LINGO1: variants seen among roughly 807,000 people sequenced by gnomAD.
LINGO1 encodes leucine rich repeat and Ig domain containing 1.
LINGO1 carries 11 observed loss-of-function variants against 37.3 expected under a neutral mutation model. The observed-to-expected ratio is 0.29, with a 90% CI of 0.19 to 0.49. The LOEUF is 0.49. Among genes scored for constraint, LINGO1 ranks in the 20% least tolerant of loss-of-function variants. The probability of loss-of-function intolerance (pLI) is 0.99; values close to 1 mark genes in which losing one functional copy is unlikely to be tolerated. For synonymous variants in LINGO1, 387 were observed against 403.0 expected (o/e 0.96, Z 0.48); for missense variants, 585 against 878.2 (o/e 0.67, Z 4.22).
At chr15:77,748,900 C>T (rs1596186375) in intron 1 of LINGO1, among the ~76,000 whole-genome samples, 1 of 124,184 alleles carries the variant, frequency 8.1e-6, no homozygotes, top group African/African-American at 3.0e-5. Context: ...ATTTTCCTTC[C>T]TTCCTTCTCT....
intron 1 of LINGO1, among the ~76,000 whole-genome samples, chr15:77,617,384 T>C (rs923640546): frequency 2.6e-5 from 4 of 152,152 alleles, no homozygotes; most frequent in African/African-American, 9.7e-5. Flanking sequence ...GTGGATCAGA[T>C]GGCCTCTGGG....
chr15:77,769,883 A>G (rs557331617), intron 1 of LINGO1, among the ~76,000 whole-genome samples: 53 of 152,312 alleles, frequency 3.5e-4, no homozygotes, highest in Non-Finnish European at 6.0e-4. Flanking sequence ...AGCCTGTGCA[A>G]TTCTGAGACC....
At chr15:77,646,132 G>A (rs994873842) in intron 3 of LINGO1, among the ~76,000 whole-genome samples, 6 of 152,202 alleles carry the variant, frequency 3.9e-5, no homozygotes, top group Non-Finnish European at 8.8e-5. Flanking sequence ...GCTGCCAAGG[G>A]GCAAATACAT....
At chr15:77,633,892 T>C (rs1185949971), upstream of LINGO1, among the ~76,000 whole-genome samples, 1 of 152,138 alleles carries the variant, frequency 6.6e-6, no homozygotes, top group Non-Finnish European at 1.5e-5. Flanking sequence ...CTCACCTTTT[T>C]CCCTATACTA....
At chr15:77,748,464 C>G (rs1488914944) in intron 1 of LINGO1, among the ~76,000 whole-genome samples, 1 of 68,738 alleles carries the variant, frequency 1.5e-5, no homozygotes, top group African/African-American at 3.4e-5. Flanking sequence ...AGCACAGAGC[C>G]TGGCTCAGGG....
At chr15:77,804,974 T>C (rs2076948251) in intron 1 of LINGO1, among the ~76,000 whole-genome samples, 1 of 152,172 alleles carries the variant, frequency 6.6e-6, no homozygotes. Flanking sequence ...ATGGTCTCAG[T>C]GCCCACCCCC....
intron 3 of LINGO1, among the ~76,000 whole-genome samples, chr15:77,646,729 G>C (rs886440056): frequency 6.6e-6 from 1 of 152,240 alleles, no homozygotes; most frequent in African/African-American, 2.4e-5. Flanking sequence ...GGAAGGGATG[G>C]AGCTTTGATA....
chr15:77,799,515 T>C (rs1429258939), intron 1 of LINGO1, among the ~76,000 whole-genome samples: 2 of 152,202 alleles, frequency 1.3e-5, no homozygotes, highest in Non-Finnish European at 2.9e-5. Flanking sequence ...AATGACGGAC[T>C]GTGAGGAAAG....
intron 2 of LINGO1, among the ~76,000 whole-genome samples, chr15:77,724,315 G>A (rs926275020): frequency 5.3e-5 from 8 of 152,244 alleles, no homozygotes; most frequent in African/African-American, 1.9e-4. Context: ...CCTTAGGGGT[G>A]TGAATTGGGC....
intron 2 of LINGO1, among the ~76,000 whole-genome samples, chr15:77,720,223 G>A (rs1490284651): frequency 7.4e-6 from 1 of 135,382 alleles, no homozygotes; most frequent in Non-Finnish European, 1.7e-5. Context: ...TTGGGAGCTC[G>A]TTAATTATCT....
At chr15:77,685,540 C>T (rs965832613) in intron 2 of LINGO1, among the ~76,000 whole-genome samples, 1 of 152,122 alleles carries the variant, frequency 6.6e-6, no homozygotes, top group Non-Finnish European at 1.5e-5. Flanking sequence ...AGTAGGTATT[C>T]AAACACGTAG....
In LINGO1 at chr15:77,614,230, G is replaced by A. The variant is rs755020021; in HGVS notation, c.1677C>T (p.Ile559=). 6 of 1,613,938 alleles carry A rather than the reference G, an allele frequency of 3.7e-6. No individual in the cohort carries two copies. The highest frequency in any genetic ancestry group is 1.1e-5 in the South Asian group (1 of 91,090). ...PFPFDIKTLI[I]ATTMGFISFL... is the part of the protein sequence containing the mutation. Reference sequence around the variant, plus strand: ...AAGAGATGAAGCCCATGGTGGTGGCGATGATGAGGGTCTTGATGTCGAAGG... The same window carrying A: ...AAGAGATGAAGCCCATGGTGGTGGCAATGATGAGGGTCTTGATGTCGAAGG... Residue 559 remains isoleucine (I), a synonymous_variant, in exon 2 of 2, where the codon ATC becomes ATT. Coordinates refer to ENST00000355300, the MANE Select transcript of LINGO1 (RefSeq NM_032808.7).
At chr15:77,782,960 C>A (rs1202634582) in intron 1 of LINGO1, among the ~76,000 whole-genome samples, 3 of 152,100 alleles carry the variant, frequency 2.0e-5, no homozygotes, top group South Asian at 4.1e-4. Context: ...CCTGTCCCCG[C>A]TCTCTCCCTC....
At chr15:77,747,322 A>G (rs571883666) in intron 1 of LINGO1, among the ~76,000 whole-genome samples, 13 of 152,328 alleles carry the variant, frequency 8.5e-5, no homozygotes, top group African/African-American at 3.1e-4. Context: ...GAGTGCAGAC[A>G]GGTCCTGGGG....
At chr15:77,753,912 T>C (rs1189277612) in intron 1 of LINGO1, among the ~76,000 whole-genome samples, 3 of 152,190 alleles carry the variant, frequency 2.0e-5, no homozygotes, top group African/African-American at 7.2e-5. Context: ...AGGAAAAAAG[T>C]GAGGCTCAGC....
intron 3 of LINGO1, among the ~76,000 whole-genome samples, chr15:77,660,540 G>T (rs886519673): frequency 6.6e-6 from 1 of 152,226 alleles, no homozygotes; most frequent in Admixed American, 6.5e-5. Flanking sequence ...TCTATTCTCT[G>T]TACCAAGTGG....
At chr15:77,738,577 C>T (rs2076225595) in intron 1 of LINGO1, among the ~76,000 whole-genome samples, 1 of 152,184 alleles carries the variant, frequency 6.6e-6, no homozygotes, top group African/African-American at 2.4e-5. Context: ...ATTTCCTCCG[C>T]CTGACATTAT....
chr15:77,681,832 A>G (rs2075419190), intron 2 of LINGO1, among the ~76,000 whole-genome samples: 2 of 152,096 alleles, frequency 1.3e-5, no homozygotes, highest in Non-Finnish European at 1.5e-5. Flanking sequence ...CACCATTGCC[A>G]CTGTGGTTGT....
chr15:77,632,184 G>T lies in LINGO1; in HGVS notation c.6+126C>A, dbSNP rs895312464. ...GGGAAATCAGGCCTATGACCCCAAA[G>T]GAGGTCTGGGTGGCACCGAGGTGCC... On this transcript the variant is annotated intron_variant, in intron 1 of 1. Coordinates refer to ENST00000355300, the MANE Select transcript of LINGO1 (RefSeq NM_032808.7). The surrounding 1 kb of genome is among the most constrained non-coding windows in gnomAD (Gnocchi z 6.0). The T allele has an allele frequency of 2.3e-4, 218 of 962,622 alleles. No homozygotes were observed. Among genetic ancestry groups the T allele is most frequent in the Admixed American group, 1.8e-3 (41 of 23,020 alleles). 59.6% of individuals were successfully genotyped at this position (962,622 alleles called of 1,614,324 possible). A position where few individuals can be genotyped will look rare whatever the true frequency, so the allele number is the denominator to read the frequency against.
Sources: gnomAD v4.1 joint callset for allele counts (sites outside exome capture counted in the v4.1 genomes callset) on GRCh38, gnomAD v4.1.1 for gene constraint, Gnocchi (gnomAD v3.1) non-coding constraint, MANE v1.5 for transcripts, NCBI Gene and HGNC (gene_info 2026-07-23, HGNC 2026-07-21) for gene names.